Variants in GPR55 observed in about 807,000 individuals in gnomAD.
The protein encoded by GPR55 is G-protein coupled receptor 55.
In GPR55, 6 loss-of-function variants were observed where a neutral mutation model predicts 7.9. That is an observed-to-expected ratio of 0.76 (90% CI 0.41 to 1.49). The LOEUF (loss-of-function observed/expected upper bound fraction) is 1.49, where lower values mean the gene tolerates loss of function less well. GPR55 is among the 40% of genes most tolerant of loss of function. The pLI is 0.01. For synonymous variants in GPR55, 183 were observed against 166.8 expected (o/e 1.10, Z -0.75); for missense variants, 376 against 406.0 (o/e 0.93, Z 0.63).
chr2:230,912,834 A>C (rs1690624877), intron 1 of GPR55, among the ~76,000 whole-genome samples: 1 of 152,214 alleles, frequency 6.6e-6, no homozygotes, highest in African/African-American at 2.4e-5. Context: ...AAGATATTCG[A>C]AGAGAACAAA....
In GPR55 at chr2:230,923,283, T is replaced by C. The variant is rs1690878547; in HGVS notation, c.-135+1885A>G. Among the ~76,000 whole-genome samples, 1 of 152,160 alleles carries C rather than the reference T, an allele frequency of 6.6e-6. No homozygotes were observed. Among genetic ancestry groups the C allele is most frequent in the African/African-American group, 2.4e-5 (1 of 41,428 alleles). On this transcript the variant is annotated intron_variant, in intron 1 of 1. Coordinates refer to ENST00000650999, the MANE Select transcript of GPR55 (RefSeq NM_005683.4). The surrounding 1 kb of genome is among the most constrained non-coding windows in gnomAD (Gnocchi z 4.1). ...GGGTTGCAACTGAGAAGGTGGCCCT[T>C]CCTGCAGCTGCCAGGCTGTTATCTG...
intron 1 of GPR55, among the ~76,000 whole-genome samples, chr2:230,955,709 CT>C: frequency 8.7e-6 from 1 of 115,082 alleles, no homozygotes; most frequent in East Asian, 2.8e-4. Flanking sequence ...ATGCCAGTGT[CT>C]TTTTGTTTTG....
chr2:230,918,208 C>T (rs1690758527), intron 1 of GPR55, among the ~76,000 whole-genome samples: 1 of 152,132 alleles, frequency 6.6e-6, no homozygotes, highest in South Asian at 2.1e-4. Context: ...ATATCTCTAA[C>T]AACTATGATC....
chr2:230,932,574 G>C (rs1242511832), intron 1 of GPR55, among the ~76,000 whole-genome samples: 1 of 152,130 alleles, frequency 6.6e-6, no homozygotes, highest in African/African-American at 2.4e-5. Context: ...TATGATAAAG[G>C]TACATAAAGC....
rs372746444 is a variant in GPR55 at position 230,909,441 on chromosome 2, C to G, written c.*562G>C. ...TGCTACTTGCCCAGCCCCAACACCA[C>G]CCCTTCTTGCTGTCATCTCAGTGAG... On this transcript the variant is annotated 3_prime_UTR_variant, in exon 2 of 2. Coordinates refer to ENST00000650999, the MANE Select transcript of GPR55 (RefSeq NM_005683.4). The G allele has an allele frequency of 6.5e-6, 1 of 153,580 alleles. No individual in the cohort carries two copies. Among genetic ancestry groups the G allele is most frequent in the African/African-American group, 2.4e-5 (1 of 41,464 alleles). 9.5% of individuals were successfully genotyped at this position (153,580 alleles called of 1,614,324 possible).
chr2:230,937,496 C>T (rs1384340480), intron 1 of GPR55, among the ~76,000 whole-genome samples: 1 of 151,678 alleles, frequency 6.6e-6, no homozygotes, highest in Non-Finnish European at 1.5e-5. Context: ...AAAAACCCTG[C>T]CCTACCCCAC....
upstream of GPR55, among the ~76,000 whole-genome samples, chr2:230,926,662 A>G (rs572105945): frequency 6.7e-4 from 81 of 120,704 alleles, no homozygotes; most frequent in South Asian, 0.022. Context: ...AGCCTTGTCT[A>G]CTCCCATTCT....
intron 1 of GPR55, among the ~76,000 whole-genome samples, chr2:230,953,043 G>A (rs920150457): frequency 3.9e-5 from 6 of 152,184 alleles, no homozygotes; most frequent in African/African-American, 1.2e-4. Context: ...CCATCCTTGG[G>A]TGCAGTGGCT....
chr2:230,921,202 G>T (rs990536703), intron 1 of GPR55, among the ~76,000 whole-genome samples: 32 of 148,782 alleles, frequency 2.2e-4, no homozygotes, highest in Non-Finnish European at 1.2e-4. Flanking sequence ...AAATGCAAAA[G>T]AAATTTTAAA....
At chr2:230,941,657 C>A (rs1362821720) in intron 1 of GPR55, among the ~76,000 whole-genome samples, 1 of 152,110 alleles carries the variant, frequency 6.6e-6, no homozygotes, top group Non-Finnish European at 1.5e-5. Flanking sequence ...TCATCTCTGG[C>A]TCTGGGTCAC....
At chr2:230,929,273 C>G (rs1346035252), upstream of GPR55, among the ~76,000 whole-genome samples, 2 of 152,180 alleles carry the variant, frequency 1.3e-5, no homozygotes, top group African/African-American at 4.8e-5. Context: ...CACCCTGCCC[C>G]CTAGGTGCTC....
intron 1 of GPR55, among the ~76,000 whole-genome samples, chr2:230,951,533 C>A (rs73995425): frequency 0.015 from 2,208 of 152,242 alleles, 59 homozygotes; most frequent in African/African-American, 0.05. Context: ...GGGAAGAGGG[C>A]AGCCTATGTG....
In GPR55 at chr2:230,909,553, A is replaced by AT. The variant is rs770274564; in HGVS notation, c.*449dup. ...CCCAAACTAAAAAGGGACTTCACTCATCCCTACCACCCCACCTCTGCCCAA... is the reference window on the plus strand; with the variant it reads ...CCCAAACTAAAAAGGGACTTCACTCATTCCCTACCACCCCACCTCTGCCCAA... On this transcript the variant is annotated 3_prime_UTR_variant, in exon 2 of 2. Transcript: ENST00000650999. The AT allele has an allele frequency of 2.0e-4, 34 of 173,924 alleles. No individual in the cohort carries two copies. The highest frequency in any genetic ancestry group is 3.3e-4 in the Non-Finnish European group (27 of 80,694). The allele number at this position is 173,924 out of a possible 1,614,324, so 10.8% of individuals were successfully genotyped here.
chr2:230,942,147 G>A (rs1691242884), intron 1 of GPR55, among the ~76,000 whole-genome samples: 2 of 152,208 alleles, frequency 1.3e-5, no homozygotes, highest in South Asian at 4.1e-4. Context: ...GAAGGACACT[G>A]TCAGAACCAA....
chr2:230,929,933 G>A (rs1485952809), upstream of GPR55: 1 of 152,258 alleles, frequency 6.6e-6, no homozygotes, highest in Non-Finnish European at 1.5e-5. Context: ...CTCTGGCTCT[G>A]TCTCATCCAG....
intron 1 of GPR55, among the ~76,000 whole-genome samples, chr2:230,932,188 C>T (rs776219938): frequency 1.5e-4 from 23 of 152,340 alleles, no homozygotes; most frequent in South Asian, 6.2e-4. Flanking sequence ...GCCACCAGCC[C>T]GCCGACCTTC....
At chr2:230,941,754 G>T (rs562651883) in intron 1 of GPR55, among the ~76,000 whole-genome samples, 2 of 152,160 alleles carry the variant, frequency 1.3e-5, no homozygotes, top group Admixed American at 6.5e-5. Context: ...TCAACTCGGG[G>T]TCCCCTTTAT....
chr2:230,921,975 A>G (rs1343683089), intron 1 of GPR55, among the ~76,000 whole-genome samples: 1 of 152,184 alleles, frequency 6.6e-6, no homozygotes, highest in Admixed American at 6.5e-5. Flanking sequence ...GTGCTGCAGA[A>G]AGCAAACCTA....
chr2:230,956,887 C>T (rs1042739443), intron 1 of GPR55, among the ~76,000 whole-genome samples: 16 of 151,856 alleles, frequency 1.1e-4, no homozygotes, highest in African/African-American at 3.4e-4. Flanking sequence ...CTCTATTTGC[C>T]TAATTACTGC....
Sources: gnomAD v4.1 joint callset for allele counts (sites outside exome capture counted in the v4.1 genomes callset) on GRCh38, gnomAD v4.1.1 for gene constraint, Gnocchi (gnomAD v3.1) non-coding constraint, MANE v1.5 for transcripts, NCBI Gene and HGNC (gene_info 2026-07-23, HGNC 2026-07-21) for gene names.